ARHGAP15: variants seen among roughly 807,000 people sequenced by gnomAD.
ARHGAP15 encodes the protein Rho GTPase activating protein 15, also known as rho GTPase-activating protein 15.
ARHGAP15 carries 51 observed loss-of-function variants against 63.7 expected under a neutral mutation model. The ratio of observed to expected loss-of-function variants is 0.80; its 90% confidence interval spans 0.64 to 1.01. The LOEUF is 1.01. Among genes scored for constraint, ARHGAP15 ranks in the 50% least tolerant of loss-of-function variants. The probability of loss-of-function intolerance (pLI) is 0.00; values close to 1 mark genes in which losing one functional copy is unlikely to be tolerated. For synonymous variants in ARHGAP15, 191 were observed against 193.8 expected (o/e 0.99, Z 0.12); for missense variants, 560 against 564.6 (o/e 0.99, Z 0.08).
intron 1 of ARHGAP15, among the ~76,000 whole-genome samples, chr2:143,153,019 TG>T (rs1689889227): frequency 6.6e-6 from 1 of 152,000 alleles, no homozygotes; most frequent in Non-Finnish European, 1.5e-5. Flanking sequence ...TAAAAGGCTT[TG>T]TAATGAATCC....
intron 12 of ARHGAP15, among the ~76,000 whole-genome samples, chr2:143,647,726 C>T (rs140825725): frequency 1.8e-3 from 268 of 152,088 alleles, no homozygotes; most frequent in African/African-American, 6.2e-3. Flanking sequence ...TACAAACATA[C>T]GTCGCTTTAT....
intron 11 of ARHGAP15, among the ~76,000 whole-genome samples, chr2:143,593,842 C>T (rs554447678): frequency 6.6e-6 from 1 of 152,176 alleles, no homozygotes; most frequent in South Asian, 2.1e-4. Context: ...AATAGATCAA[C>T]AAATGCAAAA....
chr2:143,641,402 G>T (rs527242792), intron 12 of ARHGAP15: 1 of 151,990 alleles, frequency 6.6e-6, no homozygotes, highest in Non-Finnish European at 1.5e-5. Flanking sequence ...ATTTGCTATC[G>T]GTTTTTACAT....
chr2:143,609,915 A>G (rs188739046), intron 11 of ARHGAP15, among the ~76,000 whole-genome samples: 1 of 152,316 alleles, frequency 6.6e-6, no homozygotes, highest in African/African-American at 2.4e-5. Context: ...GATCAAGGAA[A>G]AGTGGATCAC....
chr2:143,471,861 G>A (rs1422159519), intron 8 of ARHGAP15: 1 of 152,154 alleles, frequency 6.6e-6, no homozygotes, highest in African/African-American at 2.4e-5. Context: ...TTACTCTGCT[G>A]TTCAGAGCTA....
intron 11 of ARHGAP15, among the ~76,000 whole-genome samples, chr2:143,558,506 T>C (rs79444298): frequency 0.023 from 3,466 of 152,276 alleles, 290 homozygotes; most frequent in Admixed American, 0.15. Flanking sequence ...GGAAAGGATA[T>C]AATCAAATGT....
intron 1 of ARHGAP15, among the ~76,000 whole-genome samples, chr2:143,141,912 T>A (rs1297394159): frequency 1.3e-5 from 2 of 152,026 alleles, no homozygotes; most frequent in African/African-American, 4.8e-5. Context: ...AGTTGGGATA[T>A]CTATACAAGA....
intron 11 of ARHGAP15, among the ~76,000 whole-genome samples, chr2:143,588,021 C>A (rs958899114): frequency 6.6e-6 from 1 of 152,068 alleles, no homozygotes; most frequent in African/African-American, 2.4e-5. Flanking sequence ...GAATTTTAGC[C>A]CTCTTCCTTC....
chr2:143,488,072 G>C (rs781651782), intron 9 of ARHGAP15, among the ~76,000 whole-genome samples: 2 of 152,196 alleles, frequency 1.3e-5, no homozygotes, highest in Non-Finnish European at 2.9e-5. Context: ...CAGAATAGAT[G>C]ATTGTAAGAA....
At chr2:143,524,272 A>G (rs904705552) in intron 10 of ARHGAP15, among the ~76,000 whole-genome samples, 1 of 152,184 alleles carries the variant, frequency 6.6e-6, no homozygotes, top group African/African-American at 2.4e-5. Context: ...GTCTGTTTAA[A>G]GAAACAAGGA....
chr2:143,280,395 AG>A (rs1413585605), intron 6 of ARHGAP15, among the ~76,000 whole-genome samples: 1 of 152,118 alleles, frequency 6.6e-6, no homozygotes, highest in South Asian at 2.1e-4. Context: ...ATCAAGGGTC[AG>A]GTCATTTCTA....
rs138843156 is a variant in ARHGAP15 at position 143,567,716 on chromosome 2, T to G, written c.1003+11231T>G. Among the ~76,000 whole-genome samples, 73 of 152,318 alleles carry G rather than the reference T, an allele frequency of 4.8e-4. No individual in the cohort carries two copies. In the East Asian group the frequency reaches 0.013, roughly 27 times the overall value. ...CACATTTAGGGTCTTATGTGAATTA[T>G]ATGAATTTCCATAGTGTAATCCCTT... On this transcript the variant is annotated intron_variant, in intron 11 of 13. Coordinates refer to ENST00000295095, the MANE Select transcript of ARHGAP15 (RefSeq NM_018460.4).
At chr2:143,720,519 T>G (rs1243318382) in intron 13 of ARHGAP15, among the ~76,000 whole-genome samples, 1 of 152,060 alleles carries the variant, frequency 6.6e-6, no homozygotes, top group Non-Finnish European at 1.5e-5. Flanking sequence ...CTGCCCTCTA[T>G]CGACGCAGAT....
intron 6 of ARHGAP15, among the ~76,000 whole-genome samples, chr2:143,433,446 C>A (rs1475385568): frequency 6.6e-6 from 1 of 152,090 alleles, no homozygotes; most frequent in Non-Finnish European, 1.5e-5. Context: ...ATTCATATAG[C>A]TCTCTGATCT....
intron 6 of ARHGAP15, among the ~76,000 whole-genome samples, chr2:143,291,433 G>C (rs936619577): frequency 9.5e-5 from 10 of 105,712 alleles, no homozygotes; most frequent in Non-Finnish European, 2.0e-5. Flanking sequence ...GACACACTCA[G>C]GCACATACAT....
At chr2:143,192,003 A>T (rs1282343507) in intron 2 of ARHGAP15, among the ~76,000 whole-genome samples, 2 of 152,238 alleles carry the variant, frequency 1.3e-5, no homozygotes, top group Non-Finnish European at 2.9e-5. Flanking sequence ...AACATTTCCA[A>T]TCAAAAGCCA....
intron 6 of ARHGAP15, among the ~76,000 whole-genome samples, chr2:143,392,957 G>C (rs1003040875): frequency 1.3e-5 from 2 of 152,052 alleles, no homozygotes; most frequent in South Asian, 2.1e-4. Context: ...TAAAAATACA[G>C]AGTATATGTT....
Position 143,416,069 on chromosome 2 carries a change from C to T in ARHGAP15, c.475-19532C>T, listed in dbSNP as rs186481666. ...GGTACACCAACACCTCACAAATCAC[C>T]GCTAAAGAACTTACTCATGTAACCA... On this transcript the variant is annotated intron_variant, in intron 6 of 13. Transcript: ENST00000295095. Among the ~76,000 whole-genome samples, 273 of 151,578 alleles carry T rather than the reference C, an allele frequency of 1.8e-3. 1 individual carries two copies. The highest frequency in any genetic ancestry group is 6.4e-3 in the African/African-American group (265 of 41,266).
At chr2:143,524,103 G>A (rs1694166597) in intron 10 of ARHGAP15, among the ~76,000 whole-genome samples, 1 of 152,042 alleles carries the variant, frequency 6.6e-6, no homozygotes, top group African/African-American at 2.4e-5. Context: ...AAGCCACCCT[G>A]GGATCCATAA....
Sources: gnomAD v4.1 joint callset for allele counts (sites outside exome capture counted in the v4.1 genomes callset) on GRCh38, gnomAD v4.1.1 for gene constraint, MANE v1.5 for transcripts, NCBI Gene and HGNC (gene_info 2026-07-23, HGNC 2026-07-21) for gene names.